C3orf49: variants seen among roughly 807,000 people sequenced by gnomAD.
C3orf49 encodes putative uncharacterized protein C3orf49.
Under a neutral mutation model 13.3 loss-of-function variants are expected in C3orf49, and 27 were observed. The ratio of observed to expected loss-of-function variants is 2.02; its 90% CI spans 1.49 to 2.79. C3orf49 has a LOEUF of 2.79. Among genes scored for constraint, C3orf49 ranks in the 30% most tolerant of loss-of-function variants. The pLI is 0.00. For synonymous variants in C3orf49, 87 were observed against 47.6 expected (o/e 1.83, Z -3.40); for missense variants, 242 against 134.2 (o/e 1.80, Z -3.97).
Position 63,819,344 on chromosome 3 carries a change from T to C in C3orf49, c.-128T>C. ...TAAGGGAAAGACTCTAAAAATTTCC[T>C]ACATATTTTATTCCGAATAGCCCAC... On this transcript the variant is annotated 5_prime_UTR_variant, in exon 1 of 7. Coordinates refer to ENST00000295896, the MANE Select transcript of C3orf49 (RefSeq NM_001355236.2). 1 of 594,282 alleles carries C rather than the reference T, an allele frequency of 1.7e-6. No homozygotes were observed. Among genetic ancestry groups the C allele is most frequent in the Non-Finnish European group, 3.0e-6 (1 of 333,148 alleles). The allele number at this position is 594,282 out of a possible 1,614,324, so 36.8% of individuals were successfully genotyped here.
intron 6 of C3orf49, 81 bp from the exon 7 acceptor site, chr3:63,848,283 G>A (rs1701945426): frequency 6.6e-6 from 1 of 152,096 alleles, no homozygotes; most frequent in Admixed American, 6.6e-5. Flanking sequence ...AAGCCTGCTA[G>A]CTGGAGGTTT....
At chr3:63,831,918 G>C in intron 5 of C3orf49, 74 bp downstream of exon 5, 1 of 641,260 alleles carries the variant, frequency 1.6e-6, no homozygotes, top group Non-Finnish European at 2.8e-6. Flanking sequence ...CCCTAGGCTG[G>C]CCGTGGTGGC....
At position 63,825,786 on chromosome 3, in the gene C3orf49, G is replaced by T. The variant is rs144992688; in HGVS notation, c.446-1815G>T. On this transcript the variant is annotated intron_variant, in intron 2 of 6. Coordinates refer to ENST00000295896, the MANE Select transcript of C3orf49 (RefSeq NM_001355236.2). ...TAGAGTAGCACATAGAACAGACATA[G>T]TCCCTCCCTCATGGAGAGGCTTTCA... 8.6e-3 allele frequency among the ~76,000 whole-genome samples: 1,305 copies of T among 152,280 alleles called. 6 individuals carry two copies. The highest frequency in any genetic ancestry group is 0.015 in the Non-Finnish European group (1,021 of 68,026).
chr3:63,818,970 TGA>T (rs1701357061), upstream of C3orf49, among the ~76,000 whole-genome samples: 1 of 152,252 alleles, frequency 6.6e-6, no homozygotes, highest in African/African-American at 2.4e-5. Context: ...CAGCTGTAAC[TGA>T]GAGATCTAAC....
chr3:63,795,633 T>G, the C3orf49 span, among the ~76,000 whole-genome samples: 1 of 152,172 alleles, frequency 6.6e-6, no homozygotes, highest in African/African-American at 2.4e-5. Context: ...TGATCTCATT[T>G]GGTTCCAGGC....
rs535551809 is a variant in C3orf49 at position 63,820,301 on chromosome 3, A to G, written c.125+705A>G. Among the ~76,000 whole-genome samples, 8 of 152,348 alleles carry G rather than the reference A, an allele frequency of 5.3e-5. No homozygotes were observed. In the East Asian group the frequency reaches 1.2e-3, roughly 22 times the overall value. On this transcript the variant is annotated intron_variant, in intron 1 of 6. Transcript: ENST00000295896. The stretch of plus-strand genomic sequence containing the variant: ...TTCCATGGACAAAATAAAATACTGC[A>G]GAGATTTCCACTTTCAATGAAAAGT...
At chr3:63,817,275 T>C (rs1701335073), upstream of C3orf49, among the ~76,000 whole-genome samples, 1 of 152,214 alleles carries the variant, frequency 6.6e-6, no homozygotes, top group Middle Eastern at 3.4e-3. Flanking sequence ...CTCTATCCCA[T>C]CATCCTCTTT....
At chr3:63,834,526 G>A (rs932184093) in intron 5 of C3orf49, among the ~76,000 whole-genome samples, 3 of 151,918 alleles carry the variant, frequency 2.0e-5, no homozygotes, top group Admixed American at 1.3e-4. Flanking sequence ...TGGGTGTGGT[G>A]GCATGCACCT....
intron 5 of C3orf49, chr3:63,832,860 C>T (rs1701552130): frequency 6.6e-6 from 1 of 152,036 alleles, no homozygotes. Flanking sequence ...AATATGACTA[C>T]AACTGAGCTA....
chr3:63,812,770 TA>T, the C3orf49 span, among the ~76,000 whole-genome samples: 1 of 152,234 alleles, frequency 6.6e-6, no homozygotes, highest in African/African-American at 2.4e-5. Flanking sequence ...GATTCATTTC[TA>T]AACTTTTGGG....
chr3:63,787,846 G>A, the C3orf49 span, among the ~76,000 whole-genome samples: 1 of 152,230 alleles, frequency 6.6e-6, no homozygotes, highest in Non-Finnish European at 1.5e-5. Context: ...TCTGAAGCAT[G>A]AGAACAGATT....
At chr3:63,820,704 G>T (rs1389391305) in intron 1 of C3orf49, among the ~76,000 whole-genome samples, 1 of 152,176 alleles carries the variant, frequency 6.6e-6, no homozygotes, top group Non-Finnish European at 1.5e-5. Context: ...TCTCAGAGGG[G>T]TCTACGGGAG....
chr3:63,832,646 G>A (rs940721210), intron 5 of C3orf49, among the ~76,000 whole-genome samples: 2 of 151,928 alleles, frequency 1.3e-5, no homozygotes, highest in Non-Finnish European at 2.9e-5. Flanking sequence ...TGGATGACAG[G>A]GCAAGACCCT....
the C3orf49 span, among the ~76,000 whole-genome samples, chr3:63,790,197 T>C: frequency 6.6e-6 from 1 of 152,178 alleles, no homozygotes; most frequent in African/African-American, 2.4e-5. Context: ...AAGTGGAGTA[T>C]GATTTGCCAT....
chr3:63,838,585 T>C, intron 5 of C3orf49: 1 of 1,297,140 alleles, frequency 7.7e-7, no homozygotes. Flanking sequence ...TATTTGCTAA[T>C]TAAATTATAG....
the C3orf49 span, among the ~76,000 whole-genome samples, chr3:63,801,212 A>G: frequency 6.6e-6 from 1 of 152,158 alleles, no homozygotes; most frequent in Admixed American, 6.5e-5. Context: ...AGCTTAGACA[A>G]GACAAGTAAT....
the C3orf49 span, among the ~76,000 whole-genome samples, chr3:63,807,020 TG>T: frequency 6.6e-6 from 1 of 152,102 alleles, no homozygotes; most frequent in Non-Finnish European, 1.5e-5. Flanking sequence ...GGCATGATCT[TG>T]GCTCACTGCA....
chr3:63,845,186 T>C (rs1701862333), intron 6 of C3orf49, 104 bp downstream of exon 6: 5 of 494,652 alleles, frequency 1.0e-5, no homozygotes, highest in East Asian at 8.9e-5. Flanking sequence ...TTTAAGTATT[T>C]AAGCTCGCTG....
chr3:63,828,056 G>A (rs1383307413), intron 3 of C3orf49, among the ~76,000 whole-genome samples: 1 of 152,224 alleles, frequency 6.6e-6, no homozygotes, highest in Non-Finnish European at 1.5e-5. Context: ...GACCAGCACT[G>A]TCCAGTGGAA....
Sources: gnomAD v4.1 joint callset for allele counts (sites outside exome capture counted in the v4.1 genomes callset) on GRCh38, gnomAD v4.1.1 for gene constraint, MANE v1.5 for transcripts, NCBI Gene and HGNC (gene_info 2026-07-23, HGNC 2026-07-21) for gene names.